Variants in TP63 observed in about 807,000 individuals in gnomAD.
The protein encoded by TP63 is tumor protein p63.
Under a neutral mutation model 82.8 loss-of-function variants are expected in TP63, and 17 were observed. The observed-to-expected ratio is 0.21, with a 90% confidence interval of 0.14 to 0.31. The LOEUF (loss-of-function observed/expected upper bound fraction) is 0.31, where lower values mean the gene tolerates loss of function less well. TP63 is among the 10% of genes least tolerant of loss of function. TP63 has a pLI of 1.00. For synonymous variants in TP63, 330 were observed against 321.7 expected (o/e 1.03, Z -0.28); for missense variants, 648 against 895.3 (o/e 0.72, Z 3.52).
chr3:189,667,619 G>T (rs1714518376), intron 1 of TP63, among the ~76,000 whole-genome samples: 1 of 152,068 alleles, frequency 6.6e-6, no homozygotes, highest in South Asian at 2.1e-4. Flanking sequence ...ACTATGGGAG[G>T]CTGCAAAGCA....
chr3:189,620,618 G>T, the TP63 span, among the ~76,000 whole-genome samples: 2 of 151,674 alleles, frequency 1.3e-5, no homozygotes, highest in Admixed American at 1.3e-4. Flanking sequence ...AGGAAGATTT[G>T]TCCAGGCTAA....
intron 1 of TP63, among the ~76,000 whole-genome samples, chr3:189,736,083 ATAT>A (rs1330276510): frequency 6.7e-6 from 1 of 149,676 alleles, no homozygotes; most frequent in Non-Finnish European, 1.5e-5. Flanking sequence ...TTTGAGATAT[ATAT>A]TATTTAAAAT....
the TP63 span, among the ~76,000 whole-genome samples, chr3:189,602,467 G>T: frequency 2.0e-5 from 3 of 152,134 alleles, no homozygotes; most frequent in Non-Finnish European, 4.4e-5. Context: ...AGGGAGGAGG[G>T]AGGAGCAAGC....
intron 3 of TP63, among the ~76,000 whole-genome samples, chr3:189,799,937 C>T (rs1335117937): frequency 6.6e-6 from 1 of 152,098 alleles, no homozygotes; most frequent in Non-Finnish European, 1.5e-5. Flanking sequence ...CAGCCATTAT[C>T]CCAGGTATTG....
intron 8 of TP63, 87 bp downstream of exon 8, chr3:189,868,803 A>T: frequency 1.9e-6 from 3 of 1,606,020 alleles, no homozygotes; most frequent in Non-Finnish European, 2.6e-6. Context: ...GCTGCATGAT[A>T]AGACCTGTGA....
chr3:189,656,990 C>CA (rs1410865717), intron 1 of TP63, among the ~76,000 whole-genome samples: 20 of 130,266 alleles, frequency 1.5e-4, no homozygotes, highest in South Asian at 5.0e-4. Flanking sequence ...TATTACTCAG[C>CA]AAAAAAAAGA....
the TP63 span, among the ~76,000 whole-genome samples, chr3:189,613,233 G>T: frequency 6.6e-6 from 1 of 152,216 alleles, no homozygotes. Context: ...TGGGCCCAGG[G>T]TCCCTGCACT....
chr3:189,783,686 A>G (rs1234795458), intron 3 of TP63, among the ~76,000 whole-genome samples: 1 of 151,976 alleles, frequency 6.6e-6, no homozygotes, highest in East Asian at 1.9e-4. Context: ...TTAATAGATC[A>G]TTTAAAGGAG....
intron 3 of TP63, among the ~76,000 whole-genome samples, chr3:189,784,110 A>T (rs1157140923): frequency 6.6e-6 from 1 of 151,996 alleles, no homozygotes; most frequent in Non-Finnish European, 1.5e-5. Flanking sequence ...TTTGTATTTT[A>T]CTTTTTTCTT....
At chr3:189,655,189 T>G (rs1713227577) in intron 1 of TP63, among the ~76,000 whole-genome samples, 2 of 152,210 alleles carry the variant, frequency 1.3e-5, no homozygotes, top group South Asian at 4.1e-4. Context: ...TTTAAAAAAT[T>G]ATTTTAGGAG....
In TP63 at chr3:189,867,865, T is replaced by C; in HGVS notation, c.915T>C (p.Asn305=). The C allele has an allele frequency of 6.2e-7, 1 of 1,614,094 alleles. No homozygotes were observed. Among genetic ancestry groups the C allele is most frequent in the Non-Finnish European group, 8.5e-7 (1 of 1,179,960 alleles). The change falls in exon 7 of 14, where the codon AAT becomes AAC. Residue 305 remains asparagine, a synonymous_variant. Coordinates refer to ENST00000264731, the MANE Select transcript of TP63 (RefSeq NM_003722.5). ...CTGAATTCACGACAGTCTTGTACAA[T>C]TTCATGTGTAACAGCAGTTGTGTTG... ...VGTEFTTVLY[N]FMCNSSCVGG... is the part of the protein sequence containing the mutation.
intron 1 of TP63, among the ~76,000 whole-genome samples, chr3:189,671,986 G>A (rs544333209): frequency 2.7e-4 from 41 of 152,174 alleles, no homozygotes; most frequent in South Asian, 6.2e-4. Context: ...GCACTATAGG[G>A]TGAATATAGC....
chr3:189,724,957 G>T (rs1719665515), intron 1 of TP63, among the ~76,000 whole-genome samples: 7 of 152,122 alleles, frequency 4.6e-5, no homozygotes, highest in Admixed American at 4.6e-4. Flanking sequence ...AAAATATGGG[G>T]CAAGGATAAA....
At chr3:189,832,594 C>T (rs919285541) in intron 4 of TP63, among the ~76,000 whole-genome samples, 1 of 152,142 alleles carries the variant, frequency 6.6e-6, no homozygotes, top group African/African-American at 2.4e-5. Flanking sequence ...GTCAGTTATG[C>T]TTATTATCTT....
At position 189,738,738 on chromosome 3, in the gene TP63, C is replaced by T. The variant is rs1720772935; in HGVS notation, c.288C>T (p.Ile96=). The stretch of plus-strand genomic sequence containing the variant: ...AGATTGAGATTAGCATGGACTGTAT[C>T]CGCATGCAGGACTCGGACCTGAGTG... ...TNKIEISMDC[I]RMQDSDLSDP... is the part of the protein sequence containing the mutation. The change falls in exon 3 of 14, where the codon ATC becomes ATT. Residue 96 remains isoleucine (I), a synonymous_variant. Transcript: ENST00000264731. 2 of 1,614,014 alleles carry T rather than the reference C, an allele frequency of 1.2e-6. No individual in the cohort carries two copies. The highest frequency in any genetic ancestry group is 1.7e-5 in the Admixed American group (1 of 59,994).
chr3:189,759,059 G>A (rs1722384289), intron 3 of TP63, among the ~76,000 whole-genome samples: 2 of 152,324 alleles, frequency 1.3e-5, no homozygotes, highest in South Asian at 4.1e-4. Context: ...GGGCTTTGCA[G>A]TTGAGCACAC....
chr3:189,611,108 T>C, the TP63 span, among the ~76,000 whole-genome samples: 1 of 152,144 alleles, frequency 6.6e-6, no homozygotes, highest in Non-Finnish European at 1.5e-5. Flanking sequence ...ATCAACTCTA[T>C]TGATAGTTTC....
rs185716882 is a variant in TP63, at chr3:189,781,227, G to A, written c.325-27045G>A. On this transcript the variant is annotated intron_variant, in intron 3 of 13. Coordinates refer to ENST00000264731, the MANE Select transcript of TP63 (RefSeq NM_003722.5). ...TACCACATTTACATATACCATTTCT[G>A]TATACTTAGGATTTAAGGGTAATGT... Among the ~76,000 whole-genome samples the A allele has an allele frequency of 2.0e-3, 300 of 152,242 alleles. 2 individuals are homozygous for A. Among genetic ancestry groups the A allele is most frequent in the Admixed American group, 5.1e-3 (78 of 15,282 alleles).
chr3:189,694,006 A>G (rs567473449), intron 1 of TP63, among the ~76,000 whole-genome samples: 13 of 152,202 alleles, frequency 8.5e-5, no homozygotes, highest in Non-Finnish European at 1.9e-4. Context: ...GAAATTATCT[A>G]AACTATCTGA....
Sources: gnomAD v4.1 joint callset for allele counts (sites outside exome capture counted in the v4.1 genomes callset) on GRCh38, gnomAD v4.1.1 for gene constraint, MANE v1.5 for transcripts, NCBI Gene and HGNC (gene_info 2026-07-23, HGNC 2026-07-21) for gene names.